Variants in DNAH14 observed in about 807,000 individuals in gnomAD.
The protein encoded by DNAH14 is axonemal beta dynein heavy chain 14.
In DNAH14, 478 loss-of-function variants were observed where a neutral mutation model predicts 520.9. The observed-to-expected ratio is 0.92, with a 90% CI of 0.85 to 0.99. The LOEUF is 0.99. DNAH14 is among the 50% of genes least tolerant of loss of function. DNAH14 has a pLI of 0.00. For synonymous variants in DNAH14, 1,581 were observed against 1,757.2 expected (o/e 0.90, Z 2.51); for missense variants, 4,831 against 5,234.5 (o/e 0.92, Z 2.38).
intron 42 of DNAH14, among the ~76,000 whole-genome samples, chr1:225,233,275 C>T (rs60580778): frequency 0.038 from 5,792 of 152,088 alleles, 347 homozygotes; most frequent in African/African-American, 0.13. Context: ...CATATGTGTG[C>T]GTGTACCTTT....
At chr1:225,055,436 G>A (rs2068938671) in intron 17 of DNAH14, among the ~76,000 whole-genome samples, 1 of 152,088 alleles carries the variant, frequency 6.6e-6, no homozygotes, top group Non-Finnish European at 1.5e-5. Context: ...ATAGTTTACT[G>A]TAACCTCAAA....
intron 79 of DNAH14, among the ~76,000 whole-genome samples, chr1:225,378,399 C>A (rs1183722704): frequency 6.6e-6 from 1 of 152,104 alleles, no homozygotes; most frequent in Admixed American, 6.5e-5. Context: ...GGGTTGAATT[C>A]TAAGGAGAAA....
At chr1:225,330,403 T>TAAG (rs1354969834) in intron 64 of DNAH14, among the ~76,000 whole-genome samples, 1 of 152,196 alleles carries the variant, frequency 6.6e-6, no homozygotes, top group Non-Finnish European at 1.5e-5. Context: ...GGAAGTAACC[T>TAAG]AAGTGTCCAT....
At chr1:225,396,843 C>A (rs10495240) in intron 84 of DNAH14, 77,590 of 152,040 alleles carry the variant, frequency 0.51, 22,192 homozygotes, top group East Asian at 0.74. Context: ...GACCAAGTTA[C>A]ACAAGTATAA....
chr1:224,975,897 A>G lies in DNAH14; in HGVS notation c.830+1744A>G, dbSNP rs539252636. 1.4e-3 allele frequency among the ~76,000 whole-genome samples: 207 copies of G among 151,562 alleles called. 1 individual carries two copies. Among genetic ancestry groups the G allele is most frequent in the Non-Finnish European group, 1.3e-3 (85 of 67,820 alleles). The stretch of plus-strand genomic sequence containing the variant: ...AAATTTCCCTCACACACTGCTTTGA[A>G]TGTGTCCCAGAGATTCTGGTATGTT... On this transcript the variant is annotated intron_variant, in intron 8 of 85. Transcript: ENST00000682510.
chr1:225,343,466 G>A (rs1266521803), intron 69 of DNAH14, among the ~76,000 whole-genome samples: 3 of 152,060 alleles, frequency 2.0e-5, no homozygotes, highest in Non-Finnish European at 4.4e-5. Flanking sequence ...TTGCCTTAAC[G>A]TGCCATTGTC....
At chr1:225,101,426 C>G (rs748108006) in intron 23 of DNAH14, among the ~76,000 whole-genome samples, 3 of 151,964 alleles carry the variant, frequency 2.0e-5, no homozygotes, top group Admixed American at 6.6e-5. Flanking sequence ...TATGGTCACC[C>G]CATTCAGCTA....
intron 61 of DNAH14, among the ~76,000 whole-genome samples, chr1:225,321,029 T>G (rs1425722584): frequency 6.6e-6 from 1 of 152,226 alleles, no homozygotes; most frequent in African/African-American, 2.4e-5. Flanking sequence ...TCACTTCTCC[T>G]TTGTGGACCT....
chr1:225,336,439 A>G (rs2095056859), intron 66 of DNAH14, among the ~76,000 whole-genome samples: 1 of 152,012 alleles, frequency 6.6e-6, no homozygotes, highest in African/African-American at 2.4e-5. Flanking sequence ...CTAAATTTGT[A>G]CCTAATAACA....
intron 2 of DNAH14, among the ~76,000 whole-genome samples, chr1:224,953,348 A>G (rs1224715873): frequency 6.6e-6 from 1 of 151,964 alleles, no homozygotes; most frequent in East Asian, 1.9e-4. Flanking sequence ...CTGGTCTTGA[A>G]CACCTGACCT....
In DNAH14 at chr1:225,191,595, T is replaced by C. The variant is rs75806571; in HGVS notation, c.5671-1101T>C. 5.0e-3 allele frequency among the ~76,000 whole-genome samples: 759 copies of C among 152,128 alleles called. 6 individuals are homozygous for C. The highest frequency in any genetic ancestry group is 0.017 in the African/African-American group (716 of 41,524). ...TTGGATTTGTATTTTATATCTTTCA[T>C]TAATTGGAAAATTTGGGGCCAGTAT... On this transcript the variant is annotated intron_variant, in intron 37 of 85. Coordinates refer to ENST00000682510, the MANE Select transcript of DNAH14 (RefSeq NM_001367479.1).
At chr1:224,930,588 G>A (rs2058622106) in intron 1 of DNAH14, among the ~76,000 whole-genome samples, 1 of 152,152 alleles carries the variant, frequency 6.6e-6, no homozygotes, top group African/African-American at 2.4e-5. Context: ...ACTTGCTTAT[G>A]TATTTACTAT....
Position 224,981,282 on chromosome 1 carries a change from AG to A in DNAH14, c.830+7132del, listed in dbSNP as rs532901697. On this transcript the variant is annotated intron_variant, in intron 8 of 85. Transcript: ENST00000682510. ...TGTGTCCTTTCTTGGTTTTGGAATT[AG>A]GGTGATGCTGGCTTCATAGAATGAA... Among the ~76,000 whole-genome samples, 124 of 152,310 alleles carry A rather than the reference AG, an allele frequency of 8.1e-4. 1 individual carries two copies. In the Middle Eastern group the frequency reaches 0.034, roughly 42 times the overall value.
chr1:225,344,561 G>T (rs181473167), intron 69 of DNAH14, among the ~76,000 whole-genome samples: 1 of 152,158 alleles, frequency 6.6e-6, no homozygotes. Flanking sequence ...ACATGATCTT[G>T]TTCTTTTTTA....
chr1:225,335,744 T>C (rs1041452705), intron 66 of DNAH14, among the ~76,000 whole-genome samples: 1 of 73,766 alleles, frequency 1.4e-5, no homozygotes, highest in African/African-American at 6.6e-5. Context: ...CATATATGTA[T>C]ATACGCATAT....
At chr1:225,300,842 C>G in intron 55 of DNAH14, 27 bp from the exon 56 acceptor site, 1 of 1,544,756 alleles carries the variant, frequency 6.5e-7, no homozygotes, top group Non-Finnish European at 8.8e-7. Flanking sequence ...ATTTACTCTT[C>G]CTCATTAAAT....
chr1:224,939,101 A>G (rs527421877), intron 1 of DNAH14, among the ~76,000 whole-genome samples: 19 of 152,228 alleles, frequency 1.2e-4, no homozygotes, highest in Non-Finnish European at 2.5e-4. Context: ...AATGTGAAAG[A>G]TGGCAAATTA....
chr1:225,107,010 A>G (rs1490478202), intron 23 of DNAH14, among the ~76,000 whole-genome samples: 1 of 151,880 alleles, frequency 6.6e-6, no homozygotes, highest in African/African-American at 2.4e-5. Flanking sequence ...TTGTGGTTTT[A>G]TCTACCTTTG....
At chr1:225,002,162 A>T (rs2063819479) in intron 8 of DNAH14, among the ~76,000 whole-genome samples, 1 of 152,070 alleles carries the variant, frequency 6.6e-6, no homozygotes, top group African/African-American at 2.4e-5. Flanking sequence ...TTGCACAGGG[A>T]AGTTTGCTTT....
Sources: gnomAD v4.1 joint callset for allele counts (sites outside exome capture counted in the v4.1 genomes callset) on GRCh38, gnomAD v4.1.1 for gene constraint, MANE v1.5 for transcripts, NCBI Gene and HGNC (gene_info 2026-07-23, HGNC 2026-07-21) for gene names.